Variants in CDIN1 observed in about 807,000 individuals in gnomAD.
CDIN1 encodes CDAN1 interacting nuclease 1, also known as CDAN1-interacting nuclease 1.
CDIN1 carries 33 observed loss-of-function variants against 45.3 expected under a neutral mutation model. That is an observed-to-expected ratio of 0.73 (90% CI 0.55 to 0.97). CDIN1 has a LOEUF of 0.97. Ranked by LOEUF, CDIN1 falls within the 50% of genes least tolerant of loss-of-function variation. The probability of loss-of-function intolerance (pLI) is 0.00; values close to 1 mark genes in which losing one functional copy is unlikely to be tolerated. For synonymous variants in CDIN1, 118 were observed against 124.4 expected, an observed-to-expected ratio of 0.95 and a Z score of 0.34; for missense variants, 303 against 339.4, an observed-to-expected ratio of 0.89 and a Z score of 0.84.
chr15:36,639,520 G>A (rs183397688), intron 1 of CDIN1, among the ~76,000 whole-genome samples: 1 of 152,134 alleles, frequency 6.6e-6, no homozygotes, highest in African/African-American at 2.4e-5. Context: ...ACCAGGAGGC[G>A]GAGGTTGCAG....
At chr15:36,643,512 A>G (rs2040193020) in intron 1 of CDIN1, among the ~76,000 whole-genome samples, 1 of 152,248 alleles carries the variant, frequency 6.6e-6, no homozygotes, top group African/African-American at 2.4e-5. Context: ...TGTAAAGGAC[A>G]GTCGAAAAGA....
Position 36,664,632 on chromosome 15 carries a change from T to C in CDIN1, c.346+6727T>C, listed in dbSNP as rs549828852. The stretch of plus-strand genomic sequence containing the variant: ...CACATTCTCAGCTCACTGCAAGCTC[T>C]GCCTCCCGGGTTCACGCCATTCTCC... On this transcript the variant is annotated intron_variant, in intron 5 of 10. Coordinates refer to ENST00000566621, the MANE Select transcript of CDIN1 (RefSeq NM_001321759.2). 7.5e-4 allele frequency among the ~76,000 whole-genome samples: 114 copies of C among 152,052 alleles called. 1 individual carries two copies. The highest frequency in any genetic ancestry group is 1.0e-3 in the Non-Finnish European group (69 of 67,958).
At chr15:36,686,716 TA>T in intron 5 of CDIN1, among the ~76,000 whole-genome samples, 1 of 143,970 alleles carries the variant, frequency 6.9e-6, no homozygotes. Flanking sequence ...CCGTCTCTAC[TA>T]AAAAAAATAC....
intron 1 of CDIN1, among the ~76,000 whole-genome samples, chr15:36,604,327 A>G (rs1413316946): frequency 1.3e-5 from 2 of 149,632 alleles, no homozygotes; most frequent in Admixed American, 6.7e-5. Flanking sequence ...AGTGTAATTT[A>G]TGGTTTTCTA....
At chr15:36,624,153 A>G (rs2039319279) in intron 1 of CDIN1, among the ~76,000 whole-genome samples, 1 of 152,218 alleles carries the variant, frequency 6.6e-6, no homozygotes, top group African/African-American at 2.4e-5. Flanking sequence ...AATTTAGTAT[A>G]TAACAAAGCC....
At chr15:36,679,485 G>C (rs148934908) in intron 5 of CDIN1, among the ~76,000 whole-genome samples, 2 of 152,258 alleles carry the variant, frequency 1.3e-5, no homozygotes, top group African/African-American at 4.8e-5. Flanking sequence ...ACTAGTAGCT[G>C]GAAGAGCCAG....
chr15:36,735,851 G>T (rs912937921), intron 10 of CDIN1, among the ~76,000 whole-genome samples: 1 of 152,042 alleles, frequency 6.6e-6, no homozygotes, highest in Non-Finnish European at 1.5e-5. Context: ...TAATTCATTT[G>T]CAAGTAATAA....
chr15:36,701,155 TAGATA>T lies in CDIN1; in HGVS notation c.544+3766_544+3770del, dbSNP rs1424442834. 4.0e-5 allele frequency among the ~76,000 whole-genome samples: 6 copies of T among 151,734 alleles called. No individual in the cohort carries two copies. In the East Asian group the frequency reaches 1.2e-3, roughly 30 times the overall value. On this transcript the variant is annotated intron_variant, in intron 8 of 10. Coordinates refer to ENST00000566621, the MANE Select transcript of CDIN1 (RefSeq NM_001321759.2). ...ATAGATAGATAGATAGATAGATAGA[TAGATA>T]GATAGATAGATAGATATGAGCATTT...
chr15:36,704,820 A>C (rs957078927), intron 8 of CDIN1: 3 of 152,152 alleles, frequency 2.0e-5, no homozygotes, highest in Admixed American at 1.3e-4. Context: ...GGATTTCTGC[A>C]TGATTTTTAT....
chr15:36,802,811 A>C (rs1050692405), intron 10 of CDIN1, among the ~76,000 whole-genome samples: 7 of 152,176 alleles, frequency 4.6e-5, no homozygotes, highest in African/African-American at 1.2e-4. Context: ...CAACATTCGC[A>C]ATCTGGAATC....
At chr15:36,650,055 T>G (rs1395807738) in intron 3 of CDIN1, among the ~76,000 whole-genome samples, 1 of 152,208 alleles carries the variant, frequency 6.6e-6, no homozygotes, top group East Asian at 1.9e-4. Flanking sequence ...CATGTGAACA[T>G]CTGAATAAAG....
intron 1 of CDIN1, chr15:36,594,890 C>T (rs2037741514): frequency 1.0e-6 from 1 of 985,536 alleles, no homozygotes; most frequent in Non-Finnish European, 1.2e-6. Context: ...ACCCCATTTC[C>T]TCAAAGCTCA....
At chr15:36,655,631 C>T (rs1211101173) in intron 4 of CDIN1, among the ~76,000 whole-genome samples, 1 of 152,110 alleles carries the variant, frequency 6.6e-6, no homozygotes, top group Non-Finnish European at 1.5e-5. Flanking sequence ...GGCCAGCAGG[C>T]TGGTTTTTAA....
chr15:36,766,018 C>T (rs1347553977), intron 10 of CDIN1, among the ~76,000 whole-genome samples: 9 of 152,156 alleles, frequency 5.9e-5, no homozygotes, highest in Non-Finnish European at 1.2e-4. Flanking sequence ...AGAATTTATT[C>T]CTCTTGCATA....
intron 1 of CDIN1, among the ~76,000 whole-genome samples, chr15:36,620,141 G>A (rs1267671364): frequency 6.6e-6 from 1 of 152,038 alleles, no homozygotes; most frequent in Admixed American, 6.5e-5. Flanking sequence ...CACGAGGTCA[G>A]GAGATCGAGA....
chr15:36,618,452 A>C (rs1303060704), intron 1 of CDIN1: 2 of 908,370 alleles, frequency 2.2e-6, no homozygotes, highest in African/African-American at 1.6e-5. Context: ...GATGACGACA[A>C]GATGTCAATC....
At chr15:36,651,841 A>G (rs939674422) in intron 3 of CDIN1, among the ~76,000 whole-genome samples, 3 of 152,204 alleles carry the variant, frequency 2.0e-5, no homozygotes, top group Non-Finnish European at 4.4e-5. Flanking sequence ...CATGCTTTTA[A>G]TATTATCCAG....
In CDIN1 at chr15:36,593,113, C is replaced by T. The variant is rs115298070; in HGVS notation, c.101+13152C>T. ...AAAATGATTAGCACGGTTCCTGATACTACACTGGTTGCTACTGCGGTTATA... is the reference window on the plus strand; with the variant it reads ...AAAATGATTAGCACGGTTCCTGATATTACACTGGTTGCTACTGCGGTTATA... On this transcript the variant is annotated intron_variant, in intron 1 of 10. Transcript: ENST00000566621. 7.3e-3 allele frequency among the ~76,000 whole-genome samples: 1,109 copies of T among 152,258 alleles called. 23 individuals carry two copies. Among genetic ancestry groups the T allele is most frequent in the African/African-American group, 0.025 (1,040 of 41,528 alleles).
chr15:36,753,020 A>T (rs2053516319), intron 10 of CDIN1, among the ~76,000 whole-genome samples: 1 of 152,192 alleles, frequency 6.6e-6, no homozygotes, highest in South Asian at 2.1e-4. Context: ...TGTGCAAAAT[A>T]ATAATGAGGT....
Sources: allele counts gnomAD v4.1 joint callset (sites outside exome capture counted in the v4.1 genomes callset), GRCh38; gene constraint gnomAD v4.1.1; transcripts MANE v1.5; gene names NCBI Gene and HGNC (gene_info 2026-07-23, HGNC 2026-07-21).